Variants in TIGD3 observed in about 807,000 individuals in gnomAD.
TIGD3 encodes the protein tigger transposable element-derived protein 3.
Under a neutral mutation model 14.8 loss-of-function variants are expected in TIGD3, and 7 were observed. The ratio of observed to expected loss-of-function variants is 0.47; its 90% confidence interval spans 0.27 to 0.89. TIGD3 has a LOEUF of 0.89. TIGD3 is among the 40% of genes least tolerant of loss of function. TIGD3 has a pLI of 0.13. For synonymous variants in TIGD3, 243 were observed against 269.4 expected, an observed-to-expected ratio of 0.90 and a Z score of 0.96; for missense variants, 581 against 611.0, an observed-to-expected ratio of 0.95 and a Z score of 0.52.
At position 65,356,562 on chromosome 11, in the gene TIGD3, C is replaced by G; in HGVS notation, c.754C>G (p.Arg252Gly). ...GTTAGAGTGGTTGGCACAGTTTGAC[C>G]GGGACATGGGACAGCAGGGCCGACA... Reference protein sequence around the residue: ...PWLEWLAQFDRDMGQQGRQVA... With the variant: ...PWLEWLAQFDGDMGQQGRQVA... The change falls in exon 2 of 2, where the codon CGG becomes GGG. Residue 252 changes from arginine to glycine, a missense_variant. By Grantham distance (125) the Arg-to-Gly change is moderately radical (BLOSUM62 -2). Coordinates refer to ENST00000309880, the MANE Select transcript of TIGD3 (RefSeq NM_145719.3). This position sits in a 1 kb window ranked among gnomAD's most constrained non-coding sequence, Gnocchi z 5.2. The G allele has an allele frequency of 6.2e-7, 1 of 1,607,874 alleles. No homozygotes were observed. Among genetic ancestry groups the G allele is most frequent in the Non-Finnish European group, 8.5e-7 (1 of 1,179,944 alleles).
In TIGD3 at chr11:65,356,592, G is replaced by T; in HGVS notation, c.784G>T (p.Ala262Ser). 1 of 1,610,264 alleles carries T rather than the reference G, an allele frequency of 6.2e-7. No individual in the cohort carries two copies. The change falls in exon 2 of 2, where the codon GCT becomes TCT. Residue 262 changes from alanine (A) to serine (S), a missense_variant. Transcript: ENST00000309880. This position sits in a 1 kb window ranked among gnomAD's most constrained non-coding sequence, Gnocchi z 5.2. ...CATGGGACAGCAGGGCCGACAGGTG[G>T]CTTTGCTGCTGGCTGCCCGAGTGGT... Reference protein sequence around the residue: ...RDMGQQGRQVALLLAARVVEE... With the variant: ...RDMGQQGRQVSLLLAARVVEE...
chr11:65,356,549 G>A lies in TIGD3; in HGVS notation c.741G>A (p.Leu247=). 6.2e-7 allele frequency: 1 copy of A among 1,607,360 alleles called. No individual in the cohort carries two copies. Among genetic ancestry groups the A allele is most frequent in the Non-Finnish European group, 8.5e-7 (1 of 1,179,942 alleles). ...TGGGCATCCCCTGGTTAGAGTGGTT[G>A]GCACAGTTTGACCGGGACATGGGAC... The part of the protein sequence containing the change: ...PDLGIPWLEW[L]AQFDRDMGQQ... The change falls in exon 2 of 2, where the codon TTG becomes TTA. Residue 247 remains leucine, a synonymous_variant. Transcript: ENST00000309880. This position sits in a 1 kb window ranked among gnomAD's most constrained non-coding sequence, Gnocchi z 5.2.
Position 65,355,967 on chromosome 11 carries a change from G to A in TIGD3, c.159G>A (p.Glu53=), listed in dbSNP as rs1034969529. ...TCTCGCGCATCTGCAAGAATAAGGA[G>A]AAGCTGCTGGCGGACTGGTGCAGCG... ...PQISRICKNK[E]KLLADWCSGT... Residue 53 remains glutamate, a synonymous_variant, in exon 2 of 2, where the codon GAG becomes GAA. Transcript: ENST00000309880. 6.2e-7 allele frequency: 1 copy of A among 1,613,832 alleles called. No homozygotes were observed. Among genetic ancestry groups the A allele is most frequent in the African/African-American group, 1.3e-5 (1 of 74,938 alleles).
chr11:65,355,295 C>T (rs932223962), intron 1 of TIGD3, among the ~76,000 whole-genome samples: 3 of 152,092 alleles, frequency 2.0e-5, no homozygotes, highest in Admixed American at 1.3e-4. Context: ...CTTCAGACAC[C>T]CTCTGTCCCC....
Position 65,355,776 on chromosome 11 carries a change from C to A in TIGD3, c.-16-17C>A, listed in dbSNP as rs1205726594. 4.4e-6 allele frequency: 7 copies of A among 1,575,672 alleles called. No homozygotes were observed. The highest frequency in any genetic ancestry group is 6.0e-6 in the Non-Finnish European group (7 of 1,160,110). On this transcript the variant is annotated splice_polypyrimidine_tract_variant and intron_variant, in intron 1 of 1. Coordinates refer to ENST00000309880, the MANE Select transcript of TIGD3 (RefSeq NM_145719.3). Reference sequence around the variant, plus strand: ...CCTCAGATTACTCTACCCGCTCAATCTTTCCTCCCCGCACAGGTGCCCCGG... The same window carrying A: ...CCTCAGATTACTCTACCCGCTCAATATTTCCTCCCCGCACAGGTGCCCCGG...
chr11:65,356,698 C>A lies in TIGD3; in HGVS notation c.890C>A (p.Pro297His). Residue 297 changes from proline to histidine, a missense_variant, in exon 2 of 2, where the codon CCC becomes CAC. Transcript: ENST00000309880. This position sits in a 1 kb window ranked among gnomAD's most constrained non-coding sequence, Gnocchi z 5.2. ...LAASSTTPPL[P>H]SSVVRAFKAH... ...GCCTCTAGCACCACGCCTCCCCTGC[C>A]CAGCTCAGTGGTCCGGGCCTTTAAG... 6.2e-7 allele frequency: 1 copy of A among 1,613,372 alleles called. No individual in the cohort carries two copies. The highest frequency in any genetic ancestry group is 1.3e-5 in the African/African-American group (1 of 75,088).
At chr11:65,355,730 C>T in intron 1 of TIGD3, 63 bp from the exon 2 acceptor site, 1 of 1,379,952 alleles carries the variant, frequency 7.2e-7, no homozygotes, top group African/African-American at 1.4e-5. Context: ...CCCTCCTGCG[C>T]TCCTTTCCTA....
Position 65,356,501 on chromosome 11 carries a change from G to A in TIGD3, c.693G>A (p.Leu231=), listed in dbSNP as rs1323853597. The change falls in exon 2 of 2, where the codon CTG becomes CTA. Residue 231 remains leucine, a synonymous_variant. Coordinates refer to ENST00000309880, the MANE Select transcript of TIGD3 (RefSeq NM_145719.3). The surrounding 1 kb of genome is among the most constrained non-coding windows in gnomAD (Gnocchi z 5.2). ...RCFFGIRSEA[L]PASYHPDLGI... ...TCTTTGGGATCCGCAGTGAGGCTCT[G>A]CCTGCCTCCTACCACCCGGACCTGG... 6.2e-7 allele frequency: 1 copy of A among 1,606,788 alleles called. No homozygotes were observed. The highest frequency in any genetic ancestry group is 1.1e-5 in the South Asian group (1 of 91,084).
chr11:65,356,413 A>G lies in TIGD3; in HGVS notation c.605A>G (p.Asn202Ser). The G allele has an allele frequency of 1.2e-6, 2 of 1,610,428 alleles. No homozygotes were observed. The highest frequency in any genetic ancestry group is 1.7e-6 in the Non-Finnish European group (2 of 1,180,000). Residue 202 changes from asparagine to serine, a missense_variant, in exon 2 of 2, where the codon AAC becomes AGC. Asn to Ser is a conservative substitution (Grantham distance 46, BLOSUM62 1). Transcript: ENST00000309880. This position sits in a 1 kb window ranked among gnomAD's most constrained non-coding sequence, Gnocchi z 5.2. ...CAAGTACAGGTGCTGCTGTGTGCCAACAGCAGGGGCACCGAGAAGCGGCGG... is the reference window on the plus strand; with the variant it reads ...CAAGTACAGGTGCTGCTGTGTGCCAGCAGCAGGGGCACCGAGAAGCGGCGG... ...CDQVQVLLCA[N>S]SRGTEKRRVL... is the part of the protein sequence containing the mutation.
In TIGD3 at chr11:65,355,776, C is replaced by G. The variant is rs1205726594; in HGVS notation, c.-16-17C>G. The G allele has an allele frequency of 2.5e-6, 4 of 1,575,672 alleles. No homozygotes were observed. The highest frequency in any genetic ancestry group is 3.4e-6 in the Non-Finnish European group (4 of 1,160,110). On this transcript the variant is annotated splice_polypyrimidine_tract_variant and intron_variant, in intron 1 of 1. Coordinates refer to ENST00000309880, the MANE Select transcript of TIGD3 (RefSeq NM_145719.3). ...CCTCAGATTACTCTACCCGCTCAAT[C>G]TTTCCTCCCCGCACAGGTGCCCCGG...
chr11:65,356,632 G>A lies in TIGD3; in HGVS notation c.824G>A (p.Gly275Asp), dbSNP rs1320983771. 1.2e-6 allele frequency: 2 copies of A among 1,612,202 alleles called. No homozygotes were observed. The highest frequency in any genetic ancestry group is 1.7e-6 in the Non-Finnish European group (2 of 1,179,992). The change falls in exon 2 of 2, where the codon GGC becomes GAC. Residue 275 changes from glycine (G) to aspartate (D), a missense_variant. Gly to Asp is a moderately conservative substitution (Grantham distance 94, BLOSUM62 -1). Transcript: ENST00000309880. This position sits in a 1 kb window ranked among gnomAD's most constrained non-coding sequence, Gnocchi z 5.2. ...GCCCGAGTGGTGGAGGAGCTGGCAG[G>A]CCTGCCTGGGCTCTACCACGTGAAG... The part of the protein sequence containing the change: ...LAARVVEELA[G>D]LPGLYHVKLL...
In TIGD3 at chr11:65,355,768, C is replaced by T. The variant is rs200612846; in HGVS notation, c.-16-25C>T. On this transcript the variant is annotated intron_variant, in intron 1 of 1. Coordinates refer to ENST00000309880, the MANE Select transcript of TIGD3 (RefSeq NM_145719.3). ...TCTTCCGGCCTCAGATTACTCTACCCGCTCAATCTTTCCTCCCCGCACAGG... is the reference window on the plus strand; with the variant it reads ...TCTTCCGGCCTCAGATTACTCTACCTGCTCAATCTTTCCTCCCCGCACAGG... 2.2e-5 allele frequency: 35 copies of T among 1,560,876 alleles called. No individual in the cohort carries two copies. The Admixed American group carries it at 5.5e-4, about 24-fold the overall frequency.
At position 65,354,782 on chromosome 11, in the gene TIGD3, C is replaced by T. The variant is rs574292406; in HGVS notation, c.-192C>T. On this transcript the variant is annotated 5_prime_UTR_variant, in exon 1 of 2. Transcript: ENST00000309880. ...GGGAGAGAGCCCGGCGCGGGCGGCG[C>T]GCACGGGACTCTGCTGTGCGCGCGC... 6.6e-6 allele frequency: 1 copy of T among 150,828 alleles called. No individual in the cohort carries two copies. The highest frequency in any genetic ancestry group is 1.5e-5 in the Non-Finnish European group (1 of 67,558). The allele number at this position is 150,828 out of a possible 1,614,324, so 9.3% of individuals were successfully genotyped here. A position where few individuals can be genotyped will look rare whatever the true frequency, so the allele number is the denominator to read the frequency against.
chr11:65,355,931 C>G lies in TIGD3; in HGVS notation c.123C>G (p.Ser41=). The part of the protein sequence containing the change: ...QSEVARRFQV[S]QPQISRICKN... ...AGGTGGCCCGGCGCTTCCAGGTTTC[C>G]CAGCCCCAGATCTCGCGCATCTGCA... is the stretch of plus-strand genomic sequence containing the variant. Residue 41 remains serine (S), a synonymous_variant, in exon 2 of 2, where the codon TCC becomes TCG. Transcript: ENST00000309880. 1 of 1,613,946 alleles carries G rather than the reference C, an allele frequency of 6.2e-7. No homozygotes were observed. The highest frequency in any genetic ancestry group is 8.5e-7 in the Non-Finnish European group (1 of 1,180,038).
chr11:65,357,016 C>A lies in TIGD3; in HGVS notation c.1208C>A (p.Pro403Gln). Residue 403 changes from proline to glutamine, a missense_variant, in exon 2 of 2, where the codon CCA becomes CAA. Coordinates refer to ENST00000309880, the MANE Select transcript of TIGD3 (RefSeq NM_145719.3). ...SRFVDLEGEE[P>Q]RSGVCKEEIG... is the part of the protein sequence containing the mutation. The stretch of plus-strand genomic sequence containing the variant: ...TTTGTGGACCTGGAGGGTGAGGAGC[C>A]AAGGTCTGGAGTATGTAAGGAGGAG... 6 of 1,614,102 alleles carry A rather than the reference C, an allele frequency of 3.7e-6. No homozygotes were observed. The highest frequency in any genetic ancestry group is 4.2e-6 in the Non-Finnish European group (5 of 1,179,998).
chr11:65,355,679 T>G, intron 1 of TIGD3, 114 bp from the exon 2 acceptor site: 2 of 893,746 alleles, frequency 2.2e-6, no homozygotes, highest in East Asian at 2.7e-5. Context: ...GCGGGTCCAG[T>G]CTCACCCGGT....
At position 65,356,449 on chromosome 11, in the gene TIGD3, G is replaced by T. The variant is rs751216534; in HGVS notation, c.641G>T (p.Gly214Val). The stretch of plus-strand genomic sequence containing the variant: ...ACCGAGAAGCGGCGGGTACTGCTGG[G>T]TGGGCTCCAGGCTGCCCCGAGATGC... ...RGTEKRRVLL[G>V]GLQAAPRCFF... The change falls in exon 2 of 2, where the codon GGT (glycine) becomes GTT (valine). Residue 214 changes from glycine (G) to valine (V), a missense_variant. By Grantham distance (109) the Gly-to-Val change is moderately radical. Transcript: ENST00000309880. The surrounding 1 kb of genome is among the most constrained non-coding windows in gnomAD (Gnocchi z 5.2). 1.9e-6 allele frequency: 3 copies of T among 1,608,528 alleles called. No homozygotes were observed. In the Admixed American group the frequency reaches 5.0e-5, roughly 27 times the overall value.
Position 65,356,407 on chromosome 11 carries a change from G to C in TIGD3, c.599G>C (p.Cys200Ser), listed in dbSNP as rs1688918057. 1 of 1,610,438 alleles carries C rather than the reference G, an allele frequency of 6.2e-7. No individual in the cohort carries two copies. The highest frequency in any genetic ancestry group is 1.7e-5 in the Admixed American group (1 of 60,010). ...TGTGATCAAGTACAGGTGCTGCTGT[G>C]TGCCAACAGCAGGGGCACCGAGAAG... is the stretch of plus-strand genomic sequence containing the variant. ...GACDQVQVLL[C>S]ANSRGTEKRR... Residue 200 changes from cysteine (C) to serine (S), a missense_variant, in exon 2 of 2, where the codon TGT becomes TCT. By Grantham distance (112) the Cys-to-Ser change is moderately radical. Transcript: ENST00000309880. The surrounding 1 kb of genome is among the most constrained non-coding windows in gnomAD (Gnocchi z 5.2).
At position 65,356,156 on chromosome 11, in the gene TIGD3, C is replaced by T. The variant is rs779866783; in HGVS notation, c.348C>T (p.Asp116=). ...AGCTGGCCGATATCATGGGCCAGGACTTCGTGCCCAGCATCGGCTGGCTGG... is the reference window on the plus strand; with the variant it reads ...AGCTGGCCGATATCATGGGCCAGGATTTCGTGCCCAGCATCGGCTGGCTGG... ...AKELADIMGQ[D]FVPSIGWLVR... is the part of the protein sequence containing the mutation. The change falls in exon 2 of 2, where the codon GAC becomes GAT. Residue 116 remains aspartate, a synonymous_variant. Transcript: ENST00000309880. This position sits in a 1 kb window ranked among gnomAD's most constrained non-coding sequence, Gnocchi z 5.2. 3.7e-6 allele frequency: 6 copies of T among 1,612,226 alleles called. No homozygotes were observed. Among genetic ancestry groups the T allele is most frequent in the South Asian group, 2.2e-5 (2 of 91,090 alleles).
Sources: gnomAD v4.1 joint callset for allele counts (sites outside exome capture counted in the v4.1 genomes callset) on GRCh38, gnomAD v4.1.1 for gene constraint, Gnocchi (gnomAD v3.1) non-coding constraint, MANE v1.5 for transcripts, NCBI Gene and HGNC (gene_info 2026-07-23, HGNC 2026-07-21) for gene names.